The following PCDHAC2 variants were observed in gnomAD, a reference collection of about 807,000 sequenced individuals.
PCDHAC2 encodes the protein protocadherin alpha subfamily C, 2, also known as protocadherin alpha-C2.
Under a neutral mutation model 63.3 loss-of-function variants are expected in PCDHAC2, and 24 were observed. The observed-to-expected ratio is 0.38, with a 90% CI of 0.27 to 0.53. The LOEUF is 0.53. Among genes scored for constraint, PCDHAC2 ranks in the 20% least tolerant of loss-of-function variants. PCDHAC2 has a pLI of 0.81. For missense variants in PCDHAC2, 1,181 were observed against 1,275.2 expected (o/e 0.93, Z 1.12); for synonymous variants, 569 against 529.4 (o/e 1.07, Z -1.03).
In PCDHAC2 at chr5:141,011,945, A is replaced by G. The variant is rs1588262929; in HGVS notation, c.*2008A>G. On this transcript the variant is annotated 3_prime_UTR_variant, in exon 4 of 4. Transcript: ENST00000289269. ...AGGTAGGAGTCTGTTATTTAAAAAAAGCATTAAATTTAAAAAAAAACTGTC... is the reference window on the plus strand; with the variant it reads ...AGGTAGGAGTCTGTTATTTAAAAAAGGCATTAAATTTAAAAAAAAACTGTC... 6.5e-6 allele frequency: 1 copy of G among 153,752 alleles called. No individual in the cohort carries two copies. The highest frequency in any genetic ancestry group is 1.5e-5 in the Non-Finnish European group (1 of 68,044). The allele number at this position is 153,752 out of a possible 1,614,324, so 9.5% of individuals were successfully genotyped here. A position where few individuals can be genotyped will look rare whatever the true frequency, so the allele number is the denominator to read the frequency against.
At chr5:140,982,041 A>C (rs1450726743) in intron 2 of PCDHAC2, among the ~76,000 whole-genome samples, 2 of 152,268 alleles carry the variant, frequency 1.3e-5, no homozygotes, top group Non-Finnish European at 2.9e-5. Context: ...TCCAATTATC[A>C]GAAAATATTT....
chr5:141,004,311 C>T (rs2098161581), intron 3 of PCDHAC2, among the ~76,000 whole-genome samples: 1 of 152,210 alleles, frequency 6.6e-6, no homozygotes, highest in South Asian at 2.1e-4. Context: ...TTTTATACAA[C>T]AACCAGAACA....
intron 3 of PCDHAC2, among the ~76,000 whole-genome samples, chr5:141,009,035 G>A (rs1455230382): frequency 2.6e-5 from 4 of 152,106 alleles, no homozygotes; most frequent in Non-Finnish European, 2.9e-5. Flanking sequence ...TTCCCATCCC[G>A]TTCCCAGTCA....
At position 141,010,070 on chromosome 5, in the gene PCDHAC2, C is replaced by A. The variant is rs1331011642; in HGVS notation, c.*133C>A. The A allele has an allele frequency of 3.7e-5, 60 of 1,605,422 alleles. No individual in the cohort carries two copies. Among genetic ancestry groups the A allele is most frequent in the Non-Finnish European group, 5.0e-5 (59 of 1,175,768 alleles). ...AGACCTCAGAAATCTGCAGAAAGTT[C>A]CCTGTGTCTGTCTAGAACGCATTTA... is the stretch of plus-strand genomic sequence containing the variant. On this transcript the variant is annotated 3_prime_UTR_variant, in exon 4 of 4. Coordinates refer to ENST00000289269, the MANE Select transcript of PCDHAC2 (RefSeq NM_018899.6).
chr5:140,991,121 C>G (rs1220661100), intron 3 of PCDHAC2, among the ~76,000 whole-genome samples: 1 of 152,184 alleles, frequency 6.6e-6, no homozygotes, highest in Non-Finnish European at 1.5e-5. Context: ...TTCTTACATT[C>G]ACACAGCTAG....
intron 3 of PCDHAC2, among the ~76,000 whole-genome samples, chr5:141,007,748 T>C (rs188910603): frequency 1.3e-3 from 195 of 152,298 alleles, no homozygotes; most frequent in African/African-American, 4.4e-3. Context: ...GAAGATAACT[T>C]TGGACTCTTA....
chr5:141,000,774 G>A (rs1399583734), intron 3 of PCDHAC2, among the ~76,000 whole-genome samples: 1 of 151,828 alleles, frequency 6.6e-6, no homozygotes, highest in Non-Finnish European at 1.5e-5. Context: ...AGGCATAGTG[G>A]CGCACACCTG....
At chr5:140,995,837 C>T (rs1554254841) in intron 3 of PCDHAC2, among the ~76,000 whole-genome samples, 2 of 152,158 alleles carry the variant, frequency 1.3e-5, no homozygotes, top group Non-Finnish European at 2.9e-5. Context: ...TGCACAGTGC[C>T]TCACATTTCT....
At chr5:140,984,433 T>C (rs2097103477) in intron 3 of PCDHAC2, among the ~76,000 whole-genome samples, 1 of 152,182 alleles carries the variant, frequency 6.6e-6, no homozygotes, top group East Asian at 1.9e-4. Flanking sequence ...GAAGGGGATC[T>C]CCCTTGTTCC....
Position 141,010,110 on chromosome 5 carries a change from A to C in PCDHAC2, c.*173A>C. On this transcript the variant is annotated 3_prime_UTR_variant, in exon 4 of 4. Coordinates refer to ENST00000289269, the MANE Select transcript of PCDHAC2 (RefSeq NM_018899.6). ...GAACGCATTTAACAGGTTTTGTCGT[A>C]AAAGCTTTACTAAGTCTGGTGTTAA... 6.2e-7 allele frequency: 1 copy of C among 1,611,166 alleles called. No individual in the cohort carries two copies. The highest frequency in any genetic ancestry group is 8.5e-7 in the Non-Finnish European group (1 of 1,178,396).
At chr5:140,979,257 C>T (rs1454477008) in intron 2 of PCDHAC2, among the ~76,000 whole-genome samples, 1 of 152,194 alleles carries the variant, frequency 6.6e-6, no homozygotes, top group Non-Finnish European at 1.5e-5. Flanking sequence ...TATGTATTTT[C>T]TCCCATCAAA....
Position 140,966,561 on chromosome 5 carries a change from G to T in PCDHAC2, c.-206G>T. ...GACTCGGAGGCGAGCGGAGGAGCTG[G>T]AATATGGGGAGTCAGCGAGGACGGT... On this transcript the variant is annotated 5_prime_UTR_variant, in exon 1 of 4. Coordinates refer to ENST00000289269, the MANE Select transcript of PCDHAC2 (RefSeq NM_018899.6). 1 of 488,962 alleles carries T rather than the reference G, an allele frequency of 2.0e-6. No individual in the cohort carries two copies. Among genetic ancestry groups the T allele is most frequent in the African/African-American group, 2.0e-5 (1 of 49,466 alleles). 30.3% of individuals were successfully genotyped at this position (488,962 alleles called of 1,614,324 possible).
intron 3 of PCDHAC2, among the ~76,000 whole-genome samples, chr5:141,005,708 A>G (rs1245739768): frequency 6.8e-6 from 1 of 146,360 alleles, no homozygotes; most frequent in Non-Finnish European, 1.5e-5. Context: ...TCTCAAAAAA[A>G]AAAAAAAAAA....
chr5:140,998,524 T>A (rs553357630), intron 3 of PCDHAC2, among the ~76,000 whole-genome samples: 1 of 152,328 alleles, frequency 6.6e-6, no homozygotes, highest in East Asian at 1.9e-4. Flanking sequence ...TTATTCATAT[T>A]TATATCCCTA....
At position 140,999,623 on chromosome 5, in the gene PCDHAC2, A is replaced by G. The variant is rs188539860; in HGVS notation, c.2714-10004A>G. ...CCTGGGGGACCTTATCAACCAGGAAACAAGGTAGAGAAAACTGTGCAGCCT... is the reference window on the plus strand; with the variant it reads ...CCTGGGGGACCTTATCAACCAGGAAGCAAGGTAGAGAAAACTGTGCAGCCT... On this transcript the variant is annotated intron_variant, in intron 3 of 3. Transcript: ENST00000289269. Among the ~76,000 whole-genome samples the G allele has an allele frequency of 1.3e-4, 20 of 152,330 alleles. No individual in the cohort carries two copies. In the East Asian group the frequency reaches 3.9e-3, roughly 29 times the overall value.
At chr5:141,007,426 G>A (rs1255100179) in intron 3 of PCDHAC2, among the ~76,000 whole-genome samples, 4 of 151,118 alleles carry the variant, frequency 2.6e-5, no homozygotes, top group Non-Finnish European at 5.9e-5. Flanking sequence ...AAATTAGCCA[G>A]GCATGGTGGC....
At chr5:140,993,727 T>C (rs1482867785) in intron 3 of PCDHAC2, among the ~76,000 whole-genome samples, 1 of 152,220 alleles carries the variant, frequency 6.6e-6, no homozygotes, top group Non-Finnish European at 1.5e-5. Context: ...ACCTTTTCTA[T>C]GTTTAGATAC....
intron 3 of PCDHAC2, among the ~76,000 whole-genome samples, chr5:141,002,446 G>T (rs1456078562): frequency 1.3e-5 from 2 of 152,156 alleles, no homozygotes; most frequent in Admixed American, 6.5e-5. Context: ...ATAATAATTG[G>T]CACATTTGTA....
In PCDHAC2 at chr5:140,967,905, C is replaced by G. The variant is rs782291807; in HGVS notation, c.1139C>G (p.Pro380Arg). ...LYSPVPENATPNTIVAVLSVN... is the reference protein window; with the variant it reads ...LYSPVPENATRNTIVAVLSVN... ...AGCCCAGTGCCTGAGAATGCTACAC[C>G]CAACACCATTGTGGCCGTTCTCAGT... is the stretch of plus-strand genomic sequence containing the variant. The change falls in exon 1 of 4, where the codon CCC (proline) becomes CGC (arginine). Residue 380 changes from proline to arginine, a missense_variant. Transcript: ENST00000289269. 36 of 1,614,168 alleles carry G rather than the reference C, an allele frequency of 2.2e-5. No homozygotes were observed. Among genetic ancestry groups the G allele is most frequent in the Non-Finnish European group, 2.8e-5 (33 of 1,180,028 alleles).
Sources: gnomAD v4.1 joint callset for allele counts (sites outside exome capture counted in the v4.1 genomes callset) on GRCh38, gnomAD v4.1.1 for gene constraint, MANE v1.5 for transcripts, NCBI Gene and HGNC (gene_info 2026-07-23, HGNC 2026-07-21) for gene names.